AKAP9: variants seen among roughly 807,000 people sequenced by gnomAD.
The protein encoded by AKAP9 is A-kinase anchor protein 9.
AKAP9 carries 311 observed loss-of-function variants against 488.5 expected under a neutral mutation model. The observed-to-expected ratio is 0.64, with a 90% CI of 0.58 to 0.70. AKAP9 has a LOEUF of 0.70. Among genes scored for constraint, AKAP9 ranks in the 30% least tolerant of loss-of-function variants. The pLI is 0.00. For missense variants in AKAP9, 4,215 were observed against 4,374.5 expected, an observed-to-expected ratio of 0.96 and a Z score of 1.03; for synonymous variants, 1,462 against 1,483.5, an observed-to-expected ratio of 0.99 and a Z score of 0.33.
intron 15 of AKAP9, 53 bp from the exon 16 acceptor site, chr7:92,031,454 AAAAAT>A: frequency 8.1e-7 from 1 of 1,236,384 alleles, no homozygotes; most frequent in East Asian, 2.3e-5. Flanking sequence ...GTAGAAGTTT[AAAAAT>A]AAGTGGTGTA....
intron 3 of AKAP9, among the ~76,000 whole-genome samples, chr7:91,986,883 C>CAT (rs1797156395): frequency 1.3e-5 from 2 of 151,474 alleles, no homozygotes; most frequent in East Asian, 1.9e-4. Context: ...TTTGTAATTT[C>CAT]ATATATATAC....
chr7:92,022,189 G>T (rs1802417983), intron 12 of AKAP9, 49 bp from the exon 13 acceptor site: 1 of 1,398,854 alleles, frequency 7.1e-7, no homozygotes, highest in South Asian at 1.2e-5. Flanking sequence ...CTTTCTAATT[G>T]CTGGATTATG....
At chr7:91,990,845 T>C (rs1797661551) in intron 3 of AKAP9, among the ~76,000 whole-genome samples, 1 of 152,210 alleles carries the variant, frequency 6.6e-6, no homozygotes, top group Non-Finnish European at 1.5e-5. Flanking sequence ...TCAACCATTA[T>C]CTGAAAATAT....
intron 45 of AKAP9, among the ~76,000 whole-genome samples, chr7:92,102,105 G>A (rs913960529): frequency 5.3e-5 from 8 of 151,424 alleles, no homozygotes; most frequent in East Asian, 1.9e-4. Flanking sequence ...GCAGTGAGCC[G>A]AGATCACGCC....
Position 91,980,495 on chromosome 7 carries a change from C to CTTTTTTTTTTTTTT in AKAP9, c.351+172_351+185dup, listed in dbSNP as rs60385804. ...GAACCTGAGGATTATGTATTACTGA[C>CTTTTTTTTTTTTTT]TTTTTTTTTTTTTTTTTTTTTTTCA... On this transcript the variant is annotated intron_variant, in intron 3 of 49. Transcript: ENST00000356239. Among the ~76,000 whole-genome samples, 45 of 48,768 alleles carry CTTTTTTTTTTTTTT rather than the reference C, an allele frequency of 9.2e-4. 6 individuals carry two copies. The highest frequency in any genetic ancestry group is 3.2e-3 in the South Asian group (3 of 940). 32.0% of individuals were successfully genotyped at this position (48,768 alleles called of 152,430 possible).
intron 20 of AKAP9, chr7:92,043,072 G>T: frequency 4.5e-6 from 1 of 224,406 alleles, no homozygotes; most frequent in South Asian, 7.6e-5. Flanking sequence ...ATTTTGTAGA[G>T]GTTAATATAA....
At chr7:92,006,210 G>A (rs1356319800) in intron 8 of AKAP9, among the ~76,000 whole-genome samples, 2 of 151,512 alleles carry the variant, frequency 1.3e-5, no homozygotes, top group African/African-American at 4.9e-5. Flanking sequence ...GAGTCTCATG[G>A]CGCAATCACA....
chr7:92,021,210 T>C (rs1215370340), intron 12 of AKAP9, among the ~76,000 whole-genome samples: 1 of 152,222 alleles, frequency 6.6e-6, no homozygotes, highest in African/African-American at 2.4e-5. Context: ...CAGTCTTCTG[T>C]ATCATTGTTG....
intron 40 of AKAP9, among the ~76,000 whole-genome samples, chr7:92,096,342 T>G (rs184332017): frequency 4.0e-4 from 59 of 146,832 alleles, no homozygotes; most frequent in Non-Finnish European, 5.9e-4. Context: ...TTGTTTTTTT[T>G]TTTTTTTTTG....
Position 92,042,159 on chromosome 7 carries a change from G to A in AKAP9, c.5031G>A (p.Glu1677=). The A allele has an allele frequency of 6.2e-7, 1 of 1,613,920 alleles. No homozygotes were observed. The highest frequency in any genetic ancestry group is 8.5e-7 in the Non-Finnish European group (1 of 1,179,872). The change falls in exon 19 of 50, where the codon GAG becomes GAA. Residue 1677 remains glutamate, a synonymous_variant. Transcript: ENST00000356239. ...SLAGREKLCC[E]LRNSSTQTQN... is the part of the protein sequence containing the mutation. ...CTGGAAGAGAGAAGCTGTGTTGTGA[G>A]CTGCGCAACAGCAGTACGCAAACAC...
chr7:92,080,426 G>A (rs568045241), intron 31 of AKAP9, among the ~76,000 whole-genome samples: 68 of 151,926 alleles, frequency 4.5e-4, no homozygotes, highest in Non-Finnish European at 5.7e-4. Context: ...GTGAAACCCC[G>A]TCTCTACTAA....
intron 21 of AKAP9, among the ~76,000 whole-genome samples, chr7:92,051,453 G>A (rs1375630878): frequency 1.3e-5 from 2 of 152,174 alleles, no homozygotes; most frequent in African/African-American, 4.8e-5. Context: ...AGGATACAAA[G>A]TGAAAGTTGT....
chr7:92,030,005 A>C lies in AKAP9; in HGVS notation c.4245+14A>C, dbSNP rs746617652. ...GGTACAATAGAGGTATTATATTTTT[A>C]ATTTTTATCTTTTAACTGTTATATA... On this transcript the variant is annotated intron_variant, in intron 15 of 49. Transcript: ENST00000356239. 10 of 1,538,706 alleles carry C rather than the reference A, an allele frequency of 6.5e-6. No homozygotes were observed. Among genetic ancestry groups the C allele is most frequent in the African/African-American group, 1.4e-5 (1 of 72,798 alleles).
intron 24 of AKAP9, 81 bp from the exon 25 acceptor site, chr7:92,065,150 T>C: frequency 1.2e-6 from 1 of 863,906 alleles, no homozygotes. Context: ...AACGTAAAAT[T>C]TGGACATAGT....
At chr7:91,947,474 C>G (rs1010428380) in intron 1 of AKAP9, among the ~76,000 whole-genome samples, 1 of 151,838 alleles carries the variant, frequency 6.6e-6, no homozygotes, top group Non-Finnish European at 1.5e-5. Flanking sequence ...TCCCGAGTAG[C>G]TGGGACTACA....
intron 47 of AKAP9, 72 bp from the exon 48 acceptor site, chr7:92,107,221 C>A: frequency 6.9e-7 from 1 of 1,453,400 alleles, no homozygotes; most frequent in African/African-American, 1.4e-5. Flanking sequence ...GAGCAGTTAC[C>A]TATTTTGTAG....
intron 29 of AKAP9, 62 bp from the exon 30 acceptor site, chr7:92,077,634 A>C: frequency 7.1e-7 from 1 of 1,413,402 alleles, no homozygotes; most frequent in Non-Finnish European, 1.0e-6. Context: ...TTCTTTTGTA[A>C]TTATGTTCTG....
intron 2 of AKAP9, among the ~76,000 whole-genome samples, chr7:91,978,047 G>T (rs1395234549): frequency 6.6e-6 from 1 of 152,076 alleles, no homozygotes; most frequent in Non-Finnish European, 1.5e-5. Context: ...TTCAAGACCA[G>T]CCTGGGCAAC....
intron 3 of AKAP9, among the ~76,000 whole-genome samples, chr7:91,986,216 G>A (rs1006049384): frequency 6.6e-6 from 1 of 152,198 alleles, no homozygotes; most frequent in Non-Finnish European, 1.5e-5. Flanking sequence ...GCACGGGAGA[G>A]AATCTCCTGG....
Sources: allele counts gnomAD v4.1 joint callset (sites outside exome capture counted in the v4.1 genomes callset), GRCh38; gene constraint gnomAD v4.1.1; transcripts MANE v1.5; gene names NCBI Gene and HGNC (gene_info 2026-07-23, HGNC 2026-07-21).